The following NEMP2 variants were observed in gnomAD, a reference collection of about 807,000 sequenced individuals.
NEMP2 encodes UPF0571 transmembrane protein.
A neutral mutation model predicts 54.2 loss-of-function variants in NEMP2; 53 were observed. The observed-to-expected ratio is 0.98, with a 90% CI of 0.78 to 1.23. The LOEUF (loss-of-function observed/expected upper bound fraction) is 1.23, where lower values mean the gene tolerates loss of function less well. NEMP2 is among the 50% of genes most tolerant of loss of function. The pLI is 0.00. For synonymous variants in NEMP2, 197 were observed against 190.3 expected (o/e 1.04, Z -0.29); for missense variants, 455 against 511.3 (o/e 0.89, Z 1.06).
chr2:190,566,714 AAAAG>A, the NEMP2 span, among the ~76,000 whole-genome samples: 3,378 of 128,188 alleles, frequency 0.026, 76 homozygotes, highest in African/African-American at 0.056. Context: ...AGGAGGGAAG[AAAAG>A]AAAGAAAGAA....
the NEMP2 span, among the ~76,000 whole-genome samples, chr2:190,637,699 T>C: frequency 6.6e-6 from 1 of 152,210 alleles, no homozygotes; most frequent in Non-Finnish European, 1.5e-5. The surrounding 1 kb of genome is among the most constrained non-coding windows in gnomAD (Gnocchi z 4.5). Context: ...CCCTCTGCCC[T>C]ACCCAAACCA....
In NEMP2 at chr2:190,518,389, G is replaced by A. The variant is rs185415571; in HGVS notation, c.518+347C>T. Among the ~76,000 whole-genome samples the A allele has an allele frequency of 1.9e-3, 282 of 152,210 alleles. 2 individuals are homozygous for A. Among genetic ancestry groups the A allele is most frequent in the Admixed American group, 6.9e-3 (105 of 15,292 alleles). The stretch of plus-strand genomic sequence containing the variant: ...AAGGTGTGTGGACCAGAAAACCAGG[G>A]AACAAATCTCCAGCCCTGATAAGAA... On this transcript the variant is annotated intron_variant, in intron 4 of 8. Coordinates refer to ENST00000409150, the MANE Select transcript of NEMP2 (RefSeq NM_001142645.2).
At chr2:190,574,518 A>T in the NEMP2 span, among the ~76,000 whole-genome samples, 1 of 151,860 alleles carries the variant, frequency 6.6e-6, no homozygotes, top group East Asian at 1.9e-4. Flanking sequence ...TAATTTAATG[A>T]CTTTTAATAT....
At chr2:190,468,975 C>T in the NEMP2 span, among the ~76,000 whole-genome samples, 3 of 152,130 alleles carry the variant, frequency 2.0e-5, no homozygotes, top group Non-Finnish European at 4.4e-5. Context: ...TGCTTCCAAA[C>T]CAGCCCATCC....
the NEMP2 span, among the ~76,000 whole-genome samples, chr2:190,477,794 G>A: frequency 2.0e-5 from 3 of 152,196 alleles, no homozygotes; most frequent in Non-Finnish European, 2.9e-5. Flanking sequence ...CAGATAAGGA[G>A]CTTACCCTAA....
chr2:190,467,781 C>T, the NEMP2 span, among the ~76,000 whole-genome samples: 1 of 152,238 alleles, frequency 6.6e-6, no homozygotes, highest in East Asian at 1.9e-4. The surrounding 1 kb of genome is among the most constrained non-coding windows in gnomAD (Gnocchi z 5.5). Context: ...TTTTGTGACA[C>T]ATGAAAATTA....
chr2:190,580,048 T>C, the NEMP2 span, among the ~76,000 whole-genome samples: 1 of 152,192 alleles, frequency 6.6e-6, no homozygotes, highest in Non-Finnish European at 1.5e-5. This position sits in a 1 kb window ranked among gnomAD's most constrained non-coding sequence, Gnocchi z 5.3. Flanking sequence ...TAATGTACTT[T>C]GAATCACGTG....
chr2:190,640,787 ATTTT>A, the NEMP2 span, among the ~76,000 whole-genome samples: 4 of 118,030 alleles, frequency 3.4e-5, no homozygotes, highest in Admixed American at 9.0e-5. Flanking sequence ...AACACATTCA[ATTTT>A]TTTTTTTTTT....
chr2:190,497,599 CA>C, the NEMP2 span: 1 of 1,614,170 alleles, frequency 6.2e-7, no homozygotes, highest in Non-Finnish European at 8.5e-7. The surrounding 1 kb of genome is among the most constrained non-coding windows in gnomAD (Gnocchi z 5.2). Context: ...AAGATGTGAA[CA>C]AACCAGCCTG....
chr2:190,572,833 G>GTATATATATATATATA, the NEMP2 span, among the ~76,000 whole-genome samples: 6 of 47,848 alleles, frequency 1.3e-4, no homozygotes, highest in Admixed American at 2.6e-4. Flanking sequence ...CTTTTCATGA[G>GTATATATATATATATA]TATATATATA....
the NEMP2 span, among the ~76,000 whole-genome samples, chr2:190,638,582 T>G: frequency 6.6e-6 from 1 of 152,188 alleles, no homozygotes; most frequent in Non-Finnish European, 1.5e-5. The surrounding 1 kb of genome is among the most constrained non-coding windows in gnomAD (Gnocchi z 5.7). Flanking sequence ...AATCTACTGA[T>G]GCCGGAAAAG....
the NEMP2 span, among the ~76,000 whole-genome samples, chr2:190,611,823 C>A: frequency 0.015 from 2,283 of 152,280 alleles, 51 homozygotes; most frequent in African/African-American, 0.05. This position sits in a 1 kb window ranked among gnomAD's most constrained non-coding sequence, Gnocchi z 5.4. Context: ...CTTTTAGCAA[C>A]CTTTACTTTT....
chr2:190,436,724 A>C, the NEMP2 span: 1 of 1,614,226 alleles, frequency 6.2e-7, no homozygotes. This position sits in a 1 kb window ranked among gnomAD's most constrained non-coding sequence, Gnocchi z 5.3. Flanking sequence ...CAGACAGGTG[A>C]AATTACTAAC....
At chr2:190,489,820 G>A in the NEMP2 span, 1 of 1,614,178 alleles carries the variant, frequency 6.2e-7, no homozygotes, top group South Asian at 1.1e-5. The surrounding 1 kb of genome is among the most constrained non-coding windows in gnomAD (Gnocchi z 6.6). Context: ...TGATCCTACT[G>A]CTCTTTGCCC....
chr2:190,645,226 G>C, the NEMP2 span, among the ~76,000 whole-genome samples: 9 of 152,104 alleles, frequency 5.9e-5, no homozygotes. Flanking sequence ...GCAAGAGATA[G>C]AGTTAAGAAT....
chr2:190,499,949 A>G (rs1022840105), downstream of NEMP2: 62 of 1,603,264 alleles, frequency 3.9e-5, no homozygotes, highest in Non-Finnish European at 5.1e-5. This position sits in a 1 kb window ranked among gnomAD's most constrained non-coding sequence, Gnocchi z 6.0. Flanking sequence ...ACTTGAAAGC[A>G]TATATAAAAA....
rs541564587 is a variant in NEMP2 at position 190,514,993 on chromosome 2, T to G, written c.728-315A>C. On this transcript the variant is annotated intron_variant, in intron 6 of 8. Coordinates refer to ENST00000409150, the MANE Select transcript of NEMP2 (RefSeq NM_001142645.2). The surrounding 1 kb of genome is among the most constrained non-coding windows in gnomAD (Gnocchi z 5.7). ...ACTTTGGTCAGGAAGAAGTCACAGT[T>G]GTATGTCACCATTGGCTACAAACCC... Among the ~76,000 whole-genome samples, 2 of 152,316 alleles carry G rather than the reference T, an allele frequency of 1.3e-5. No homozygotes were observed. The highest frequency in any genetic ancestry group is 4.8e-5 in the African/African-American group (2 of 41,572).
At chr2:190,491,591 A>C in the NEMP2 span, among the ~76,000 whole-genome samples, 1 of 152,234 alleles carries the variant, frequency 6.6e-6, no homozygotes, top group South Asian at 2.1e-4. The surrounding 1 kb of genome is among the most constrained non-coding windows in gnomAD (Gnocchi z 4.2). Context: ...TCAGGAAGCC[A>C]CATCCCTCAG....
At chr2:190,445,190 A>G in the NEMP2 span, among the ~76,000 whole-genome samples, 2 of 152,196 alleles carry the variant, frequency 1.3e-5, no homozygotes, top group Admixed American at 1.3e-4. Context: ...TACTTATCTC[A>G]TATTAAAGAG....
Sources: gnomAD v4.1 joint callset for allele counts (sites outside exome capture counted in the v4.1 genomes callset) on GRCh38, gnomAD v4.1.1 for gene constraint, Gnocchi (gnomAD v3.1) non-coding constraint, MANE v1.5 for transcripts, NCBI Gene and HGNC (gene_info 2026-07-23, HGNC 2026-07-21) for gene names.